The following RFX3 variants were observed in gnomAD, a reference collection of about 807,000 sequenced individuals.
RFX3 encodes the protein regulatory factor X3, also known as transcription factor RFX3.
RFX3 carries 14 observed loss-of-function variants against 98.6 expected under a neutral mutation model. That is an observed-to-expected ratio of 0.14 (90% confidence interval 0.09 to 0.22). The LOEUF is 0.22. Ranked by LOEUF, RFX3 falls within the 10% of genes least tolerant of loss-of-function variation. The pLI is 1.00. For missense variants in RFX3, 639 were observed against 926.9 expected (o/e 0.69, Z 4.03); for synonymous variants, 383 against 328.4 (o/e 1.17, Z -1.80).
intron 2 of RFX3, among the ~76,000 whole-genome samples, chr9:3,356,050 AT>A (rs900196484): frequency 6.9e-6 from 1 of 144,998 alleles, no homozygotes; most frequent in Non-Finnish European, 1.5e-5. Context: ...ATAGAGGGAA[AT>A]TTATAACTTT....
chr9:3,433,285 C>T (rs910328561), intron 1 of RFX3, among the ~76,000 whole-genome samples: 1 of 152,144 alleles, frequency 6.6e-6, no homozygotes, highest in African/African-American at 2.4e-5. Context: ...CCCAAGACAG[C>T]ATGACCAACC....
intron 10 of RFX3, 35 bp downstream of exon 10, chr9:3,270,968 C>T (rs923539009): frequency 6.8e-6 from 11 of 1,613,312 alleles, no homozygotes; most frequent in Non-Finnish European, 9.3e-6. Flanking sequence ...TCTACTCAGC[C>T]ATGAAAATGA....
At chr9:3,334,578 A>C (rs1832950990) in intron 3 of RFX3, among the ~76,000 whole-genome samples, 1 of 152,190 alleles carries the variant, frequency 6.6e-6, no homozygotes, top group Admixed American at 6.5e-5. Context: ...GGATAAAGTC[A>C]CTAAAGAGTG....
At chr9:3,516,655 T>C (rs1329200612) in intron 1 of RFX3, among the ~76,000 whole-genome samples, 1 of 152,076 alleles carries the variant, frequency 6.6e-6, no homozygotes, top group East Asian at 1.9e-4. Context: ...GTCTTAAAAA[T>C]GAGATCAACA....
chr9:3,425,930 A>C (rs1017051174), intron 1 of RFX3, among the ~76,000 whole-genome samples: 5 of 152,152 alleles, frequency 3.3e-5, no homozygotes, highest in Non-Finnish European at 5.9e-5. Context: ...TCGTAAAACA[A>C]ATTTTTAATT....
At chr9:3,256,593 A>G (rs1563811511) in intron 14 of RFX3, among the ~76,000 whole-genome samples, 1 of 152,180 alleles carries the variant, frequency 6.6e-6, no homozygotes, top group Non-Finnish European at 1.5e-5. Flanking sequence ...CCACATTCTG[A>G]ACATCACTAA....
intron 3 of RFX3, among the ~76,000 whole-genome samples, chr9:3,340,922 A>G (rs563158524): frequency 2.6e-4 from 39 of 152,348 alleles, no homozygotes; most frequent in Non-Finnish European, 5.1e-4. Flanking sequence ...CCAAAGGATT[A>G]TAAATCATGC....
chr9:3,420,819 G>A (rs1843377800), intron 1 of RFX3: 1 of 984,946 alleles, frequency 1.0e-6, no homozygotes, highest in African/African-American at 1.7e-5. Flanking sequence ...TTCTTCAGAT[G>A]ATCCAAGATG....
At chr9:3,396,019 G>A (rs1383074782) in intron 1 of RFX3, among the ~76,000 whole-genome samples, 3 of 151,690 alleles carry the variant, frequency 2.0e-5, no homozygotes, top group African/African-American at 7.3e-5. Flanking sequence ...GATGTCACCA[G>A]AATATAATTT....
chr9:3,342,887 T>C (rs1228369057), intron 3 of RFX3, among the ~76,000 whole-genome samples: 1 of 152,226 alleles, frequency 6.6e-6, no homozygotes, highest in Non-Finnish European at 1.5e-5. Context: ...CATGGGTTCC[T>C]ACAGAAGCAA....
chr9:3,389,703 T>G (rs1336371778), intron 2 of RFX3, among the ~76,000 whole-genome samples: 2 of 152,100 alleles, frequency 1.3e-5, no homozygotes, highest in Non-Finnish European at 2.9e-5. Flanking sequence ...AAATATTGTA[T>G]AAACTCACCT....
intron 1 of RFX3, among the ~76,000 whole-genome samples, chr9:3,413,202 C>T (rs564071569): frequency 1.3e-5 from 2 of 151,884 alleles, no homozygotes; most frequent in South Asian, 2.1e-4. Flanking sequence ...CAAATAGAAA[C>T]ATCAGCATCT....
intron 4 of RFX3, among the ~76,000 whole-genome samples, chr9:3,319,605 A>G (rs951741359): frequency 6.6e-6 from 1 of 152,218 alleles, no homozygotes; most frequent in African/African-American, 2.4e-5. Context: ...TAAATCTAAA[A>G]TTAATCAATT....
intron 1 of RFX3, chr9:3,400,101 T>C (rs1841325722): frequency 4.8e-6 from 1 of 210,268 alleles, no homozygotes; most frequent in South Asian, 1.7e-4. Flanking sequence ...TCAATAGATG[T>C]ATCACTAGAT....
At chr9:3,251,923 A>G (rs1821457666) in intron 14 of RFX3, among the ~76,000 whole-genome samples, 1 of 151,884 alleles carries the variant, frequency 6.6e-6, no homozygotes, top group African/African-American at 2.4e-5. Context: ...ATCTCAGCTC[A>G]CCGCAACCTC....
intron 14 of RFX3, among the ~76,000 whole-genome samples, chr9:3,255,311 T>G (rs1821972684): frequency 6.6e-6 from 1 of 152,246 alleles, no homozygotes; most frequent in South Asian, 2.1e-4. Context: ...CTGGGTCTAC[T>G]GAGTTCACAA....
chr9:3,368,751 C>T (rs1338550282), intron 2 of RFX3, among the ~76,000 whole-genome samples: 1 of 152,136 alleles, frequency 6.6e-6, no homozygotes, highest in Non-Finnish European at 1.5e-5. Context: ...TGCCTGGAAC[C>T]CTTCAACAAA....
At chr9:3,472,027 AGG>A (rs777321152) in intron 1 of RFX3, among the ~76,000 whole-genome samples, 2 of 152,228 alleles carry the variant, frequency 1.3e-5, no homozygotes, top group East Asian at 3.8e-4. Flanking sequence ...GGGACACAGA[AGG>A]GTCTTTTTTT....
chr9:3,494,586 T>G lies in RFX3; in HGVS notation c.-9+31161A>C, dbSNP rs188928448. ...GGCTTCAGTAAATCATAGTTGTATC[T>G]ATCTATACCCATCTGATTAGAAAAT... On this transcript the variant is annotated intron_variant, in intron 1 of 16. Coordinates refer to ENST00000617270, the MANE Select transcript of RFX3 (RefSeq NM_001282116.2). Among the ~76,000 whole-genome samples the G allele has an allele frequency of 1.5e-3, 229 of 152,294 alleles. 1 individual carries two copies. The highest frequency in any genetic ancestry group is 5.3e-3 in the African/African-American group (220 of 41,568).
Sources: gnomAD v4.1 joint callset for allele counts (sites outside exome capture counted in the v4.1 genomes callset) on GRCh38, gnomAD v4.1.1 for gene constraint, MANE v1.5 for transcripts, NCBI Gene and HGNC (gene_info 2026-07-23, HGNC 2026-07-21) for gene names.